Variants in DUOX2 observed in about 807,000 individuals in gnomAD.
DUOX2 encodes NADH/NADPH thyroid oxidase p138-tox.
A neutral mutation model predicts 183.3 loss-of-function variants in DUOX2; 185 were observed. The observed-to-expected ratio is 1.01, with a 90% CI of 0.90 to 1.14. The LOEUF (loss-of-function observed/expected upper bound fraction) is 1.14. DUOX2 is among the 50% of genes most tolerant of loss of function. The pLI is 0.00. For synonymous variants in DUOX2, 788 were observed against 812.4 expected (o/e 0.97, Z 0.51); for missense variants, 1,999 against 2,022.9 (o/e 0.99, Z 0.23).
rs370387994 is a variant in DUOX2 at position 45,109,882 on chromosome 15, A to T, written c.1131+8T>A. ...CCCATCTTCCCCTGACCCTGACCCC[A>T]GTCTGACCTCCCGAATCCAGTAGTT... On this transcript the variant is annotated splice_region_variant and intron_variant, in intron 10 of 33. Coordinates refer to ENST00000389039, the MANE Select transcript of DUOX2 (RefSeq NM_001363711.2). The T allele has an allele frequency of 7.7e-5, 124 of 1,614,030 alleles. No individual in the cohort carries two copies. In the South Asian group the frequency reaches 1.3e-3, roughly 17 times the overall value.
rs1258051607 is a variant in DUOX2, at chr15:45,106,895, A to C, written c.1768T>G (p.Phe590Val). 2 of 1,583,646 alleles carry C rather than the reference A, an allele frequency of 1.3e-6. No individual in the cohort carries two copies. The highest frequency in any genetic ancestry group is 2.3e-5 in the South Asian group (2 of 86,332). ...PQCAPLTVLD[F>V]FEGSSPGFAI... ...AAACCAGGGCTGCTGCCTTCAAAGA[A>C]GTCAAGCACAGTCAGGGGTGCACAC... is the stretch of plus-strand genomic sequence containing the variant. The change falls in exon 15 of 34, where the codon TTC (phenylalanine) becomes GTC (valine). Residue 590 changes from phenylalanine to valine, a missense_variant. Physicochemically the swap from Phe to Val is conservative, Grantham distance 50 (BLOSUM62 -1). Coordinates refer to ENST00000389039, the MANE Select transcript of DUOX2 (RefSeq NM_001363711.2).
rs269861 is a variant in DUOX2 at position 45,107,966 on chromosome 15, T to C, written c.1574+81A>G. On this transcript the variant is annotated intron_variant, in intron 13 of 33. Transcript: ENST00000389039. The stretch of plus-strand genomic sequence containing the variant: ...GGGCTGACTGGGAATCAAGGGCTCA[T>C]AGGGGCTGTCTAAGGCTAGACAGAG... 1,476,856 of 1,560,748 alleles carry C rather than the reference T, an allele frequency of 0.95. 710,436 individuals carry two copies. The highest frequency in any genetic ancestry group is 0.99 in the East Asian group (44,319 of 44,604).
chr15:45,101,786 C>T lies in DUOX2; in HGVS notation c.2851+7G>A. The T allele has an allele frequency of 6.2e-7, 1 of 1,614,230 alleles. No individual in the cohort carries two copies. Among genetic ancestry groups the T allele is most frequent in the Non-Finnish European group, 8.5e-7 (1 of 1,180,030 alleles). On this transcript the variant is annotated splice_region_variant and intron_variant, in intron 21 of 33. Coordinates refer to ENST00000389039, the MANE Select transcript of DUOX2 (RefSeq NM_001363711.2). ...TCCCTGACGCCAACCATTCCTCACACACTCACCATTTCCACCTCCACCTCC... is the reference window on the plus strand; with the variant it reads ...TCCCTGACGCCAACCATTCCTCACATACTCACCATTTCCACCTCCACCTCC...
At chr15:45,098,203 A>G (rs1331787873) in intron 26 of DUOX2, 145 bp from the exon 27 acceptor site, 2 of 735,546 alleles carry the variant, frequency 2.7e-6, no homozygotes, top group East Asian at 2.7e-5. Flanking sequence ...CCTCCAAGGA[A>G]CTTGGCACCC....
chr15:45,096,678 A>T (rs1215985819), intron 29 of DUOX2, among the ~76,000 whole-genome samples: 1 of 152,132 alleles, frequency 6.6e-6, no homozygotes, highest in Non-Finnish European at 1.5e-5. Flanking sequence ...TACTAACACC[A>T]CTCTGAGATT....
At chr15:45,097,055 C>G (rs1168079622) in intron 29 of DUOX2, among the ~76,000 whole-genome samples, 183 bp downstream of exon 29, 5 of 152,210 alleles carry the variant, frequency 3.3e-5, no homozygotes, top group Admixed American at 2.6e-4. Context: ...TAAGCACAGC[C>G]CTTTCTGGGT....
At position 45,108,041 on chromosome 15, in the gene DUOX2, C is replaced by A; in HGVS notation, c.1574+6G>T. ...AGTCTGAGGTGGGGGCCCAGGCAAG[C>A]CTTACCCATTCCTGGTGTTCTCAAA... On this transcript the variant is annotated splice_donor_region_variant and intron_variant, in intron 13 of 33. Transcript: ENST00000389039. The A allele has an allele frequency of 6.2e-7, 1 of 1,613,816 alleles. No homozygotes were observed. Among genetic ancestry groups the A allele is most frequent in the Non-Finnish European group, 8.5e-7 (1 of 1,179,912 alleles).
chr15:45,101,098 G>A (rs1894069436), intron 22 of DUOX2, 107 bp downstream of exon 22: 2 of 1,043,402 alleles, frequency 1.9e-6, no homozygotes, highest in Non-Finnish European at 1.5e-6. Context: ...TACTTTCAAA[G>A]GGCAAATGCC....
chr15:45,094,850 G>A (rs1039860077), intron 32 of DUOX2, 86 bp downstream of exon 32: 108 of 1,599,320 alleles, frequency 6.8e-5, no homozygotes, highest in Middle Eastern at 6.6e-4. Flanking sequence ...CAGCCTGGCC[G>A]TCCACCCACC....
At chr15:45,104,905 C>T (rs1159072052) in intron 18 of DUOX2, among the ~76,000 whole-genome samples, 1 of 152,176 alleles carries the variant, frequency 6.6e-6, no homozygotes, top group East Asian at 1.9e-4. Flanking sequence ...ACTGCAACCT[C>T]CGCCACCCGG....
chr15:45,110,792 G>A lies in DUOX2; in HGVS notation c.883-82C>T. On this transcript the variant is annotated intron_variant, in intron 7 of 33. Coordinates refer to ENST00000389039, the MANE Select transcript of DUOX2 (RefSeq NM_001363711.2). ...GGGTCTGAGCCCAAGGACGGCTTCC[G>A]TGTGGAGATGAGACCAGGAAGGGTC... The A allele has an allele frequency of 3.1e-6, 5 of 1,601,152 alleles. No individual in the cohort carries two copies. The South Asian group carries it at 4.5e-5, about 14-fold the overall frequency.
rs573609412 is a variant in DUOX2 at position 45,110,432 on chromosome 15, T to A, written c.1036A>T (p.Met346Leu). ...CTCTGCCAACCCCTCCCTCACCTCA[T>A]GTAGACACCAGGGGGCACCATGGTA... Reference protein sequence around the residue: ...FSTMVPPGVYMRNASCHFRKV... With the variant: ...FSTMVPPGVYLRNASCHFRKV... Residue 346 changes from methionine to leucine, a missense_variant, in exon 9 of 34, where the codon ATG becomes TTG. This residue lies in a region of DUOX2 where 1,628 missense variants were observed against 1,608.6 expected (regional missense o/e 1.01). Coordinates refer to ENST00000389039, the MANE Select transcript of DUOX2 (RefSeq NM_001363711.2). 6.2e-7 allele frequency: 1 copy of A among 1,613,548 alleles called. No individual in the cohort carries two copies. The highest frequency in any genetic ancestry group is 2.2e-5 in the East Asian group (1 of 44,856).
rs959493208 is a variant in DUOX2, at chr15:45,093,312, A to G, written c.*838T>C. ...TGAGATCGAGTACTGAATATCTGGC[A>G]GAGAGGCTGGAATCCTTCAGCCCCA... On this transcript the variant is annotated 3_prime_UTR_variant, in exon 34 of 34. Coordinates refer to ENST00000389039, the MANE Select transcript of DUOX2 (RefSeq NM_001363711.2). 4 of 152,300 alleles carry G rather than the reference A, an allele frequency of 2.6e-5. No individual in the cohort carries two copies. The highest frequency in any genetic ancestry group is 9.6e-5 in the African/African-American group (4 of 41,454). The allele number at this position is 152,300 out of a possible 1,614,324, so 9.4% of individuals were successfully genotyped here.
At chr15:45,107,850 C>CAAAAA (rs36025213) in intron 13 of DUOX2, among the ~76,000 whole-genome samples, 197 bp downstream of exon 13, 12 of 48,818 alleles carry the variant, frequency 2.5e-4, no homozygotes, top group African/African-American at 4.0e-4. Context: ...GACTCTGCCT[C>CAAAAA]AAAAAAAAAA....
Position 45,099,403 on chromosome 15 carries a change from G to A in DUOX2, c.3495C>T (p.Pro1165=), listed in dbSNP as rs374660171. The A allele has an allele frequency of 5.6e-6, 9 of 1,613,904 alleles. No individual in the cohort carries two copies. Among genetic ancestry groups the A allele is most frequent in the Non-Finnish European group, 7.6e-6 (9 of 1,179,938 alleles). ...CTGACCCATCATTCACAAAGACGTT[G>A]GGGAATATGCAGGCCAGCAGGCTGA... ...SPLSLLACIF[P]NVFVNDGSKL... The change falls in exon 26 of 34, where the codon CCC becomes CCT. Residue 1165 remains proline, a synonymous_variant. Coordinates refer to ENST00000389039, the MANE Select transcript of DUOX2 (RefSeq NM_001363711.2).
In DUOX2 at chr15:45,113,395, G is replaced by A. The variant is rs1217955169; in HGVS notation, c.17C>T (p.Pro6Leu). The A allele has an allele frequency of 6.4e-7, 1 of 1,564,560 alleles. No homozygotes were observed. Among genetic ancestry groups the A allele is most frequent in the African/African-American group, 1.4e-5 (1 of 73,794 alleles). The change falls in exon 2 of 34, where the codon CCA becomes CTA. Residue 6 changes from proline to leucine, a missense_variant. Pro to Leu is a moderately conservative substitution (Grantham distance 98). Transcript: ENST00000389039. MLRAR[P>L]EALMLLGALL... ...AGCTCCCAGGAGCATCAGTGCCTCT[G>A]GTCTTGCACGGAGCATGCCAACCCT...
rs1566972538 is a variant in DUOX2, at chr15:45,099,399, CGTT to C, written c.3496_3498del (p.Asn1166del). On this transcript the variant is annotated inframe_deletion, in exon 26 of 34. Transcript: ENST00000389039. ...AGAACTGACCCATCATTCACAAAGA[CGTT>C]GGGGAATATGCAGGCCAGCAGGCTG... is the stretch of plus-strand genomic sequence containing the variant. 2 of 1,614,010 alleles carry C rather than the reference CGTT, an allele frequency of 1.2e-6. No individual in the cohort carries two copies. The highest frequency in any genetic ancestry group is 2.2e-5 in the South Asian group (2 of 91,074).
intron 17 of DUOX2, 131 bp from the exon 18 acceptor site, chr15:45,105,959 TG>T: frequency 7.1e-7 from 1 of 1,407,954 alleles, no homozygotes; most frequent in Admixed American, 2.0e-5. Context: ...GGGCCAGGTG[TG>T]TGGACGAAGG....
At chr15:45,112,938 G>T in intron 3 of DUOX2, 49 bp downstream of exon 3, 1 of 1,600,380 alleles carries the variant, frequency 6.2e-7, no homozygotes, top group Middle Eastern at 1.8e-4. Flanking sequence ...TTCGCGCCCC[G>T]GCCCTTCGCG....
Sources: gnomAD v4.1 joint callset for allele counts (sites outside exome capture counted in the v4.1 genomes callset) on GRCh38, gnomAD v4.1.1 for gene constraint, gnomAD v4.1.1 regional missense constraint, MANE v1.5 for transcripts, NCBI Gene and HGNC (gene_info 2026-07-23, HGNC 2026-07-21) for gene names.